SIGLEC7: variants seen among roughly 807,000 people sequenced by gnomAD.
SIGLEC7 encodes the protein sialic acid binding Ig like lectin 7, also known as sialic acid-binding Ig-like lectin 7.
Under a neutral mutation model 40.8 loss-of-function variants are expected in SIGLEC7, and 33 were observed. The ratio of observed to expected loss-of-function variants is 0.81; its 90% CI spans 0.61 to 1.08. The LOEUF (loss-of-function observed/expected upper bound fraction) is 1.08. Ranked by LOEUF, SIGLEC7 falls within the 50% of genes least tolerant of loss-of-function variation. The probability of loss-of-function intolerance (pLI) is 0.00; values close to 1 mark genes in which losing one functional copy is unlikely to be tolerated. For synonymous variants in SIGLEC7, 242 were observed against 237.6 expected, an observed-to-expected ratio of 1.02 and a Z score of -0.17; for missense variants, 513 against 576.1, an observed-to-expected ratio of 0.89 and a Z score of 1.12.
In SIGLEC7 at chr19:51,147,321, A is replaced by T. The variant is rs2092116066; in HGVS notation, c.1221+4A>T. 1 of 1,606,622 alleles carries T rather than the reference A, an allele frequency of 6.2e-7. No individual in the cohort carries two copies. Among genetic ancestry groups the T allele is most frequent in the Non-Finnish European group, 8.5e-7 (1 of 1,175,330 alleles). Reference sequence around the variant, plus strand: ...CATCAGGGGCTCAGCCTCTCAGGTGAGTGATATGGGCGTCTCCACACCCAG... The same window carrying T: ...CATCAGGGGCTCAGCCTCTCAGGTGTGTGATATGGGCGTCTCCACACCCAG... On this transcript the variant is annotated splice_donor_region_variant and intron_variant, in intron 6 of 6. Transcript: ENST00000317643.
chr19:51,143,604 G>A (rs1485071483), intron 1 of SIGLEC7, among the ~76,000 whole-genome samples: 1 of 152,116 alleles, frequency 6.6e-6, no homozygotes, highest in Non-Finnish European at 1.5e-5. Flanking sequence ...TATAGCATGT[G>A]GGTTTGTAGT....
rs764338247 is a variant in SIGLEC7 at position 51,153,163 on chromosome 19, G to A, written c.1322G>A (p.Ser441Asn). Residue 441 changes from serine to asparagine, a missense_variant, in exon 7 of 7, where the codon AGC becomes AAC. Coordinates refer to ENST00000317643, the MANE Select transcript of SIGLEC7 (RefSeq NM_014385.4). ...EEREIQYAPLSFHKGEPQDLS... is the reference protein window; with the variant it reads ...EEREIQYAPLNFHKGEPQDLS... Reference sequence around the variant, plus strand: ...AGAGAGATCCAGTATGCACCCCTCAGCTTTCATAAGGGGGAGCCTCAGGAC... The same window carrying A: ...AGAGAGATCCAGTATGCACCCCTCAACTTTCATAAGGGGGAGCCTCAGGAC... The A allele has an allele frequency of 6.8e-6, 11 of 1,610,504 alleles. No homozygotes were observed. In the Admixed American group the frequency reaches 1.0e-4, roughly 15 times the overall value.
chr19:51,143,531 G>C (rs896870378), intron 1 of SIGLEC7, among the ~76,000 whole-genome samples: 6 of 152,134 alleles, frequency 3.9e-5, no homozygotes, highest in African/African-American at 1.2e-4. Flanking sequence ...TCCTCCCTGG[G>C]TGGGTCTCTA....
At chr19:51,151,935 C>A (rs1000615116) in intron 6 of SIGLEC7, among the ~76,000 whole-genome samples, 1 of 152,206 alleles carries the variant, frequency 6.6e-6, no homozygotes, top group Non-Finnish European at 1.5e-5. Flanking sequence ...GGAGGACCCT[C>A]CCAGGCAGCC....
chr19:51,145,969 G>T lies in SIGLEC7; in HGVS notation c.875G>T (p.Ser292Ile), dbSNP rs780625716. Residue 292 changes from serine to isoleucine, a missense_variant, in exon 4 of 7, where the codon AGT becomes ATT. By Grantham distance (142) the Ser-to-Ile change is moderately radical. Transcript: ENST00000317643. This position sits in a 1 kb window ranked among gnomAD's most constrained non-coding sequence, Gnocchi z 4.3. ...PPARLSWTWR[S>I]LTLYPSQPSN... ...GCCAGGCTGAGCTGGACCTGGAGGAGTCTGACCCTGTACCCCTCACAGCCC... is the reference window on the plus strand; with the variant it reads ...GCCAGGCTGAGCTGGACCTGGAGGATTCTGACCCTGTACCCCTCACAGCCC... The T allele has an allele frequency of 6.2e-7, 1 of 1,614,234 alleles. No homozygotes were observed. Among genetic ancestry groups the T allele is most frequent in the South Asian group, 1.1e-5 (1 of 91,084 alleles).
At chr19:51,151,038 C>G (rs1033919801) in intron 6 of SIGLEC7, among the ~76,000 whole-genome samples, 2 of 152,100 alleles carry the variant, frequency 1.3e-5, no homozygotes, top group Non-Finnish European at 2.9e-5. Flanking sequence ...CCTCTGGCCA[C>G]TGTGTGCAGA....
chr19:51,144,989 G>A (rs1377951220), intron 3 of SIGLEC7, 30 bp downstream of exon 3: 1 of 1,607,596 alleles, frequency 6.2e-7, no homozygotes, highest in Non-Finnish European at 8.5e-7. Flanking sequence ...CTGGGGCTGG[G>A]GGAGCAGGGC....
intron 6 of SIGLEC7, among the ~76,000 whole-genome samples, chr19:51,148,415 A>C (rs1443819672): frequency 6.6e-6 from 1 of 151,996 alleles, no homozygotes; most frequent in African/African-American, 2.4e-5. Context: ...TTTAGCTCTC[A>C]CTGATAAGTG....
Position 51,142,797 on chromosome 19 carries a change from T to C in SIGLEC7, c.428T>C (p.Val143Ala). 3 of 1,588,502 alleles carry C rather than the reference T, an allele frequency of 1.9e-6. No homozygotes were observed. The highest frequency in any genetic ancestry group is 2.6e-6 in the Non-Finnish European group (3 of 1,165,950). ...AAATATGACCAGCTCTCTGTGAACGTGACAGGTAAGGCACGGGCTCCAAGA... is the reference window on the plus strand; with the variant it reads ...AAATATGACCAGCTCTCTGTGAACGCGACAGGTAAGGCACGGGCTCCAAGA... ...NYKYDQLSVN[V>A]TALTHRPNIL... The change falls in exon 1 of 7, where the codon GTG becomes GCG. Residue 143 changes from valine to alanine, a missense_variant. By Grantham distance (64) the Val-to-Ala change is moderately conservative. Transcript: ENST00000317643. The surrounding 1 kb of genome is among the most constrained non-coding windows in gnomAD (Gnocchi z 5.0).
chr19:51,146,138 C>T lies in SIGLEC7; in HGVS notation c.1027+17C>T. ...AGTACACAGGTGGGTAAGGGAGGGG[C>T]TGGAGGAGGAGAACACACCTGCCCC... On this transcript the variant is annotated intron_variant, in intron 4 of 6. Coordinates refer to ENST00000317643, the MANE Select transcript of SIGLEC7 (RefSeq NM_014385.4). The T allele has an allele frequency of 6.2e-7, 1 of 1,610,326 alleles. No homozygotes were observed. The highest frequency in any genetic ancestry group is 8.5e-7 in the Non-Finnish European group (1 of 1,177,568).
chr19:51,147,272 C>T lies in SIGLEC7; in HGVS notation c.1176C>T (p.Asp392=). ...KSARPAADVG[D]IGMKDANTIR... is the part of the protein sequence containing the mutation. Reference sequence around the variant, plus strand: ...CAAGGCCAGCAGCGGACGTGGGAGACATAGGCATGAAGGATGCAAACACCA... The same window carrying T: ...CAAGGCCAGCAGCGGACGTGGGAGATATAGGCATGAAGGATGCAAACACCA... The change falls in exon 6 of 7, where the codon GAC becomes GAT. Residue 392 remains aspartate, a synonymous_variant. Transcript: ENST00000317643. The T allele has an allele frequency of 1.2e-6, 2 of 1,612,650 alleles. No individual in the cohort carries two copies. The highest frequency in any genetic ancestry group is 1.7e-6 in the Non-Finnish European group (2 of 1,179,100).
rs1568619348 is a variant in SIGLEC7 at position 51,142,903 on chromosome 19, G to A, written c.433+101G>A. The stretch of plus-strand genomic sequence containing the variant: ...GTCCTGGGAGGGGGCCGGGGGTGAT[G>A]GACTCAGGAGAGGAGCTGGACCAGA... On this transcript the variant is annotated intron_variant, in intron 1 of 6. Coordinates refer to ENST00000317643, the MANE Select transcript of SIGLEC7 (RefSeq NM_014385.4). This position sits in a 1 kb window ranked among gnomAD's most constrained non-coding sequence, Gnocchi z 5.0. The A allele has an allele frequency of 2.4e-6, 3 of 1,275,404 alleles. No homozygotes were observed. Among genetic ancestry groups the A allele is most frequent in the Non-Finnish European group, 2.2e-6 (2 of 916,504 alleles). The allele number at this position is 1,275,404 out of a possible 1,614,324, so 79.0% of individuals were successfully genotyped here.
At chr19:51,143,092 C>A (rs2092081041) in intron 1 of SIGLEC7, among the ~76,000 whole-genome samples, 1 of 152,170 alleles carries the variant, frequency 6.6e-6, no homozygotes, top group African/African-American at 2.4e-5. Context: ...CTGTCCTAGG[C>A]ATGGCCGGGG....
In SIGLEC7 at chr19:51,145,811, T is replaced by C. The variant is rs1221678250; in HGVS notation, c.761-44T>C. On this transcript the variant is annotated intron_variant, in intron 3 of 6. Transcript: ENST00000317643. This position sits in a 1 kb window ranked among gnomAD's most constrained non-coding sequence, Gnocchi z 4.3. ...CTCATTCTGTATCCTTCCTCCCTGT[T>C]TCAATCACTTTGTCTCTTTGAACCT... The C allele has an allele frequency of 1.2e-6, 2 of 1,608,712 alleles. No individual in the cohort carries two copies. The highest frequency in any genetic ancestry group is 2.2e-5 in the East Asian group (1 of 44,832).
At position 51,145,040 on chromosome 19, in the gene SIGLEC7, C is replaced by T; in HGVS notation, c.760+81C>T. On this transcript the variant is annotated intron_variant, in intron 3 of 6. Coordinates refer to ENST00000317643, the MANE Select transcript of SIGLEC7 (RefSeq NM_014385.4). The surrounding 1 kb of genome is among the most constrained non-coding windows in gnomAD (Gnocchi z 4.3). ...GGGCCAGGTCCCTCCTCATCCTGGACTCACCCTGGTGATATGAGACTCCCT... is the reference window on the plus strand; with the variant it reads ...GGGCCAGGTCCCTCCTCATCCTGGATTCACCCTGGTGATATGAGACTCCCT... 3.6e-6 allele frequency: 5 copies of T among 1,375,304 alleles called. No homozygotes were observed. The South Asian group carries it at 4.7e-5, about 13-fold the overall frequency. The allele number at this position is 1,375,304 out of a possible 1,614,324, so 85.2% of individuals were successfully genotyped here.
chr19:51,143,913 G>T, intron 1 of SIGLEC7: 1 of 462,356 alleles, frequency 2.2e-6, no homozygotes, highest in South Asian at 1.7e-5. Context: ...GTGCCCTGCA[G>T]TGTCCTTTAA....
At chr19:51,150,778 C>T (rs1433759569) in intron 6 of SIGLEC7, among the ~76,000 whole-genome samples, 1 of 152,086 alleles carries the variant, frequency 6.6e-6, no homozygotes, top group East Asian at 1.9e-4. Flanking sequence ...CAAAGCAAGG[C>T]CCAGGCACAG....
chr19:51,145,931 C>T lies in SIGLEC7; in HGVS notation c.837C>T (p.Asp279=). 1 of 1,614,218 alleles carries T rather than the reference C, an allele frequency of 6.2e-7. No homozygotes were observed. Among genetic ancestry groups the T allele is most frequent in the Non-Finnish European group, 8.5e-7 (1 of 1,180,038 alleles). Residue 279 remains aspartate (D), a synonymous_variant, in exon 4 of 7, where the codon GAC becomes GAT. Coordinates refer to ENST00000317643, the MANE Select transcript of SIGLEC7 (RefSeq NM_014385.4). The surrounding 1 kb of genome is among the most constrained non-coding windows in gnomAD (Gnocchi z 4.3). ...GQSLRLVCAV[D]SNPPARLSWT... ...CTCTGCGCTTGGTCTGTGCTGTTGA[C>T]AGCAATCCCCCTGCCAGGCTGAGCT... is the stretch of plus-strand genomic sequence containing the variant.
rs907888663 is a variant in SIGLEC7, at chr19:51,142,733, T to G, written c.364T>G (p.Phe122Val). 1 of 1,613,868 alleles carries G rather than the reference T, an allele frequency of 6.2e-7. No homozygotes were observed. The highest frequency in any genetic ancestry group is 1.3e-5 in the African/African-American group (1 of 75,022). Residue 122 changes from phenylalanine to valine, a missense_variant, in exon 1 of 7, where the codon TTC becomes GTC. By Grantham distance (50) the Phe-to-Val change is conservative. Transcript: ENST00000317643. The surrounding 1 kb of genome is among the most constrained non-coding windows in gnomAD (Gnocchi z 5.0). ...DARMSDAGRYFFRMEKGNIKW... is the reference protein window; with the variant it reads ...DARMSDAGRYVFRMEKGNIKW... The stretch of plus-strand genomic sequence containing the variant: ...CAGAATGAGTGATGCGGGGAGATAC[T>G]TCTTTCGTATGGAGAAAGGAAATAT...
Sources: gnomAD v4.1 joint callset for allele counts (sites outside exome capture counted in the v4.1 genomes callset) on GRCh38, gnomAD v4.1.1 for gene constraint, Gnocchi (gnomAD v3.1) non-coding constraint, MANE v1.5 for transcripts, NCBI Gene and HGNC (gene_info 2026-07-23, HGNC 2026-07-21) for gene names.